Variants in OSBPL9 observed in about 807,000 individuals in gnomAD.
OSBPL9 encodes oxysterol-binding protein-related protein 9.
A neutral mutation model predicts 106.6 loss-of-function variants in OSBPL9; 40 were observed. The observed-to-expected ratio is 0.38, with a 90% CI of 0.29 to 0.49. The LOEUF (loss-of-function observed/expected upper bound fraction) is 0.49, where lower values mean the gene tolerates loss of function less well. OSBPL9 is among the 20% of genes least tolerant of loss of function. The pLI is 0.97. For synonymous variants in OSBPL9, 269 were observed against 295.4 expected, an observed-to-expected ratio of 0.91 and a Z score of 0.92; for missense variants, 609 against 887.2, an observed-to-expected ratio of 0.69 and a Z score of 3.98.
chr1:51,617,526 T>C (rs925337002), intron 1 of OSBPL9, among the ~76,000 whole-genome samples: 5 of 152,028 alleles, frequency 3.3e-5, no homozygotes, highest in African/African-American at 9.7e-5. Context: ...CGGGTAAGGG[T>C]GATCGTAGTC....
At chr1:51,640,500 C>G (rs1244583607) in intron 1 of OSBPL9, among the ~76,000 whole-genome samples, 3 of 152,098 alleles carry the variant, frequency 2.0e-5, no homozygotes, top group South Asian at 2.1e-4. Flanking sequence ...TTATTAATCT[C>G]TAATTGTTTT....
At chr1:51,726,045 C>T (rs1663057771) in intron 4 of OSBPL9, among the ~76,000 whole-genome samples, 1 of 152,054 alleles carries the variant, frequency 6.6e-6, no homozygotes, top group African/African-American at 2.4e-5. Context: ...TATATGTTTT[C>T]TGTATTATAT....
intron 4 of OSBPL9, among the ~76,000 whole-genome samples, chr1:51,714,934 T>C (rs1660753668): frequency 6.6e-6 from 1 of 152,282 alleles, no homozygotes; most frequent in South Asian, 2.1e-4. Context: ...AAAGTCAGAA[T>C]AGGGAAAAAC....
chr1:51,599,906 AAGGTGGT>A (rs1303975967), intron 2 of OSBPL9, among the ~76,000 whole-genome samples: 1 of 152,234 alleles, frequency 6.6e-6, no homozygotes, highest in East Asian at 1.9e-4. Context: ...GTCTGCTTCC[AAGGTGGT>A]GCCTCTTGCT....
Position 51,789,156 on chromosome 1 carries a change from T to G in OSBPL9, c.*1367T>G. 4 of 1,295,132 alleles carry G rather than the reference T, an allele frequency of 3.1e-6. No individual in the cohort carries two copies. In the South Asian group the frequency reaches 4.8e-5, roughly 15 times the overall value. 80.2% of individuals were successfully genotyped at this position (1,295,132 alleles called of 1,614,324 possible). A position where few individuals can be genotyped will look rare whatever the true frequency, so the allele number is the denominator to read the frequency against. ...AACTTCAATGGAAGCCCTAAGGCAG[T>G]AGTATAACTAACTCCATAAAATACA... On this transcript the variant is annotated 3_prime_UTR_variant, in exon 24 of 24. Transcript: ENST00000428468.
chr1:51,538,824 C>CT, the OSBPL9 span: 1 of 152,192 alleles, frequency 6.6e-6, no homozygotes, highest in Non-Finnish European at 1.5e-5. Context: ...CCAATATTTT[C>CT]TTTAGTCTTA....
the OSBPL9 span, among the ~76,000 whole-genome samples, chr1:51,530,185 AAAAAAAAC>A: frequency 1.6e-3 from 160 of 101,662 alleles, 27 homozygotes; most frequent in African/African-American, 3.3e-3. Context: ...AAAAAAAAAA[AAAAAAAAC>A]AAAAAAAAAA....
At chr1:51,649,340 C>G (rs1367677961) in intron 1 of OSBPL9, among the ~76,000 whole-genome samples, 1 of 152,172 alleles carries the variant, frequency 6.6e-6, no homozygotes, top group African/African-American at 2.4e-5. Context: ...CTCCTGGCCT[C>G]ACTCAAGTGA....
At chr1:51,709,093 AGGACTTACTGGCC>A (rs1036029914) in intron 3 of OSBPL9, 56 of 152,280 alleles carry the variant, frequency 3.7e-4, no homozygotes, top group African/African-American at 1.3e-3. Context: ...TCCTTTGTCA[AGGACTTACTGGCC>A]GGAGGCATTG....
the OSBPL9 span, among the ~76,000 whole-genome samples, chr1:51,531,056 C>T: frequency 1.9e-3 from 283 of 152,010 alleles, no homozygotes; most frequent in African/African-American, 6.8e-3. Flanking sequence ...GGCAGATCAC[C>T]TGAGGTCAGG....
At chr1:51,579,853 T>G (rs1645210626) in intron 1 of OSBPL9, among the ~76,000 whole-genome samples, 1 of 144,924 alleles carries the variant, frequency 6.9e-6, no homozygotes, top group Admixed American at 7.0e-5. Context: ...AGACTCTGTC[T>G]CAAAATAATA....
At chr1:51,619,166 A>T (rs1384200180) in intron 1 of OSBPL9, among the ~76,000 whole-genome samples, 2 of 152,216 alleles carry the variant, frequency 1.3e-5, no homozygotes, top group Non-Finnish European at 2.9e-5. Flanking sequence ...AGTAGATGTG[A>T]TAATCAGAAA....
At chr1:51,580,523 T>TA (rs897419340) in intron 1 of OSBPL9, among the ~76,000 whole-genome samples, 2 of 152,016 alleles carry the variant, frequency 1.3e-5, no homozygotes, top group African/African-American at 2.4e-5. Context: ...CCAAATTTGC[T>TA]AAAAAAGTGT....
chr1:51,703,451 A>G (rs1372857965), intron 3 of OSBPL9, among the ~76,000 whole-genome samples: 1 of 152,050 alleles, frequency 6.6e-6, no homozygotes, highest in East Asian at 1.9e-4. Context: ...TTTGTCTGTT[A>G]TTGGTGTATA....
At chr1:51,682,821 C>T (rs1652870350) in intron 3 of OSBPL9, among the ~76,000 whole-genome samples, 1 of 151,460 alleles carries the variant, frequency 6.6e-6, no homozygotes, top group Non-Finnish European at 1.5e-5. Flanking sequence ...ACTTTATTTT[C>T]CTTTCTAATT....
At chr1:51,660,187 G>A (rs1350511764) in intron 2 of OSBPL9, among the ~76,000 whole-genome samples, 1 of 152,080 alleles carries the variant, frequency 6.6e-6, no homozygotes, top group Non-Finnish European at 1.5e-5. Context: ...AATTTCAGAT[G>A]TATAAGAGGT....
At chr1:51,681,161 G>A (rs1394581490) in intron 3 of OSBPL9, among the ~76,000 whole-genome samples, 3 of 152,044 alleles carry the variant, frequency 2.0e-5, no homozygotes, top group Non-Finnish European at 4.4e-5. Flanking sequence ...ACATTGCTTG[G>A]TAGGTATTAG....
At position 51,789,109 on chromosome 1, in the gene OSBPL9, A is replaced by C. The variant is rs1678408121; in HGVS notation, c.*1320A>C. The C allele has an allele frequency of 2.2e-5, 19 of 862,236 alleles. No individual in the cohort carries two copies. In the South Asian group the frequency reaches 3.0e-4, roughly 13 times the overall value. 53.4% of individuals were successfully genotyped at this position (862,236 alleles called of 1,614,324 possible). A position where few individuals can be genotyped will look rare whatever the true frequency, so the allele number is the denominator to read the frequency against. ...CTCAACAAAGGATAAAAAGTAAATC[A>C]AATGCTATGATGCCAGTGCAAAACT... is the stretch of plus-strand genomic sequence containing the variant. On this transcript the variant is annotated 3_prime_UTR_variant, in exon 24 of 24. Transcript: ENST00000428468.
chr1:51,579,856 A>AAATAATAATAAT (rs34556128), intron 1 of OSBPL9, among the ~76,000 whole-genome samples: 6,092 of 143,740 alleles, frequency 0.042, 292 homozygotes, highest in African/African-American at 0.12. Flanking sequence ...CTCTGTCTCA[A>AAATAATAATAAT]AATAATAATA....
Sources: gnomAD v4.1 joint callset for allele counts (sites outside exome capture counted in the v4.1 genomes callset) on GRCh38, gnomAD v4.1.1 for gene constraint, MANE v1.5 for transcripts, NCBI Gene and HGNC (gene_info 2026-07-23, HGNC 2026-07-21) for gene names.